Variants in PPM1E observed in about 807,000 individuals in gnomAD.
The protein encoded by PPM1E is protein phosphatase 1E.
PPM1E carries 20 observed loss-of-function variants against 65.9 expected under a neutral mutation model. The observed-to-expected ratio is 0.30, with a 90% CI of 0.21 to 0.44. PPM1E has a LOEUF of 0.44. Ranked by LOEUF, PPM1E falls within the 20% of genes least tolerant of loss-of-function variation. The pLI, the probability that PPM1E is intolerant of heterozygous loss-of-function variation, is 1.00. For missense variants in PPM1E, 713 were observed against 953.1 expected (o/e 0.75, Z 3.32); for synonymous variants, 352 against 374.9 (o/e 0.94, Z 0.70).
At chr17:58,821,592 G>C (rs2050480533) in intron 1 of PPM1E, among the ~76,000 whole-genome samples, 1 of 152,154 alleles carries the variant, frequency 6.6e-6, no homozygotes, top group Non-Finnish European at 1.5e-5. Flanking sequence ...GTTTAAGTTA[G>C]CTTACGGCAG....
chr17:58,774,044 C>T (rs1454190005), intron 1 of PPM1E, among the ~76,000 whole-genome samples: 1 of 151,998 alleles, frequency 6.6e-6, no homozygotes, highest in Non-Finnish European at 1.5e-5. Context: ...CGCCTGTAAT[C>T]CCAGCTACTC....
chr17:58,838,795 G>T (rs7342841), intron 1 of PPM1E, among the ~76,000 whole-genome samples: 1 of 152,000 alleles, frequency 6.6e-6, no homozygotes, highest in South Asian at 2.1e-4. Flanking sequence ...CTTGATAGGC[G>T]AATGGATAAC....
chr17:58,830,359 G>A (rs1447528151), intron 1 of PPM1E, among the ~76,000 whole-genome samples: 1 of 151,392 alleles, frequency 6.6e-6, no homozygotes, highest in Non-Finnish European at 1.5e-5. Context: ...CCAGGCTGTA[G>A]CGCAGTGGCG....
chr17:58,760,306 A>G (rs1177379398), intron 1 of PPM1E, among the ~76,000 whole-genome samples: 1 of 152,154 alleles, frequency 6.6e-6, no homozygotes, highest in Admixed American at 6.5e-5. Flanking sequence ...AGATGTCAAA[A>G]TTTCCTCAGA....
chr17:58,796,398 G>A (rs906834150), intron 1 of PPM1E, among the ~76,000 whole-genome samples: 1 of 152,020 alleles, frequency 6.6e-6, no homozygotes. Flanking sequence ...GGCTCACTCA[G>A]TAGCTGCGAC....
intron 1 of PPM1E, among the ~76,000 whole-genome samples, chr17:58,824,972 G>A (rs947012647): frequency 6.6e-6 from 1 of 151,724 alleles, no homozygotes; most frequent in Non-Finnish European, 1.5e-5. Context: ...TAAAATATCT[G>A]GCTGATGCAA....
rs1282664460 is a variant in PPM1E at position 58,830,289 on chromosome 17, GTTGTTA to G, written c.464+73831_464+73836del. On this transcript the variant is annotated intron_variant, in intron 1 of 6. Transcript: ENST00000308249. Reference sequence around the variant, plus strand: ...CTCAGCTTTCACTGTTGTTGTTGTTGTTGTTATTATTATTATTATTATTATTATTAT... The same window carrying G: ...CTCAGCTTTCACTGTTGTTGTTGTTGTTATTATTATTATTATTATTATTAT... Among the ~76,000 whole-genome samples the G allele has an allele frequency of 9.0e-3, 1,096 of 121,112 alleles. 12 individuals are homozygous for G. Among genetic ancestry groups the G allele is most frequent in the African/African-American group, 0.031 (1,019 of 32,822 alleles). The allele number at this position is 121,112 out of a possible 152,430, so 79.5% of individuals were successfully genotyped here.
chr17:58,909,754 T>C (rs1438820272), intron 1 of PPM1E, among the ~76,000 whole-genome samples: 1 of 152,046 alleles, frequency 6.6e-6, no homozygotes, highest in East Asian at 1.9e-4. Context: ...TGATTTTCTA[T>C]AGTTTAAAAT....
chr17:58,830,899 G>C (rs2050598437), intron 1 of PPM1E, among the ~76,000 whole-genome samples: 1 of 151,708 alleles, frequency 6.6e-6, no homozygotes, highest in Non-Finnish European at 1.5e-5. Flanking sequence ...TGGCCAGGCT[G>C]GTCTCAAACT....
intron 2 of PPM1E, among the ~76,000 whole-genome samples, chr17:58,964,936 T>C (rs899960870): frequency 8.6e-5 from 13 of 151,608 alleles, no homozygotes; most frequent in African/African-American, 2.9e-4. Context: ...TCCCAGCCAC[T>C]TGGGAGGCTG....
intron 2 of PPM1E, among the ~76,000 whole-genome samples, chr17:58,963,860 G>A (rs1169470452): frequency 6.6e-6 from 1 of 152,088 alleles, no homozygotes; most frequent in Non-Finnish European, 1.5e-5. Context: ...CTGCTCTCCA[G>A]CCTGGACCAC....
chr17:58,925,682 C>T (rs1161822794), intron 1 of PPM1E, among the ~76,000 whole-genome samples: 1 of 151,970 alleles, frequency 6.6e-6, no homozygotes, highest in African/African-American at 2.4e-5. Flanking sequence ...CCTCATGATC[C>T]GCCTGCCTCA....
intron 1 of PPM1E, among the ~76,000 whole-genome samples, chr17:58,849,933 T>A (rs1003720439): frequency 6.6e-6 from 1 of 152,226 alleles, no homozygotes. Flanking sequence ...TGTAGGTCTC[T>A]AAGAACTTGC....
At chr17:58,831,862 G>A (rs2050609432) in intron 1 of PPM1E, among the ~76,000 whole-genome samples, 1 of 152,094 alleles carries the variant, frequency 6.6e-6, no homozygotes, top group Admixed American at 6.6e-5. Flanking sequence ...TCACATTTCA[G>A]GAGGTTTCTG....
At chr17:58,839,558 A>T (rs1013657945) in intron 1 of PPM1E, among the ~76,000 whole-genome samples, 1 of 152,198 alleles carries the variant, frequency 6.6e-6, no homozygotes, top group Admixed American at 6.5e-5. Flanking sequence ...GTTTTTCTGC[A>T]TGGGTTTATA....
intron 1 of PPM1E, among the ~76,000 whole-genome samples, chr17:58,779,583 T>G (rs532073350): frequency 1.9e-4 from 29 of 152,176 alleles, no homozygotes; most frequent in African/African-American, 6.8e-4. Flanking sequence ...TGGAAAAATG[T>G]CTCTTGTATG....
chr17:58,812,303 C>CAAAAA (rs35132799), intron 1 of PPM1E, among the ~76,000 whole-genome samples: 16 of 49,772 alleles, frequency 3.2e-4, no homozygotes, highest in Non-Finnish European at 4.8e-4. Flanking sequence ...GACTCTGTTT[C>CAAAAA]AAAAAAAAAA....
intron 1 of PPM1E, among the ~76,000 whole-genome samples, chr17:58,797,171 C>G (rs2050214879): frequency 6.6e-6 from 1 of 151,976 alleles, no homozygotes; most frequent in African/African-American, 2.4e-5. Context: ...TACTGTAGCT[C>G]AATGTTTGTT....
intron 1 of PPM1E, among the ~76,000 whole-genome samples, chr17:58,890,203 A>G (rs906925803): frequency 6.6e-6 from 1 of 152,192 alleles, no homozygotes; most frequent in East Asian, 1.9e-4. Context: ...TATTAAATAT[A>G]TATTGTTGAT....
Sources: gnomAD v4.1 joint callset for allele counts (sites outside exome capture counted in the v4.1 genomes callset) on GRCh38, gnomAD v4.1.1 for gene constraint, MANE v1.5 for transcripts, NCBI Gene and HGNC (gene_info 2026-07-23, HGNC 2026-07-21) for gene names.